MGAT4C: variants seen among roughly 807,000 people sequenced by gnomAD.
The protein encoded by MGAT4C is alpha-1,3-mannosyl-glycoprotein 4-beta-N-acetylglucosaminyltransferase C.
MGAT4C carries 19 observed loss-of-function variants against 40.1 expected under a neutral mutation model. That is an observed-to-expected ratio of 0.47 (90% CI 0.33 to 0.70). The LOEUF is 0.70. MGAT4C is among the 30% of genes least tolerant of loss of function. The pLI, the probability that MGAT4C is intolerant of heterozygous loss-of-function variation, is 0.02. For synonymous variants in MGAT4C, 181 were observed against 187.1 expected, an observed-to-expected ratio of 0.97 and a Z score of 0.27; for missense variants, 491 against 563.2, an observed-to-expected ratio of 0.87 and a Z score of 1.30.
At chr12:86,258,284 AATCTATCTATCTATCTATCTATCT>A (rs10534958), upstream of MGAT4C, among the ~76,000 whole-genome samples, 176 of 146,758 alleles carry the variant, frequency 1.2e-3, 1 homozygote, top group African/African-American at 4.1e-3. Context: ...AACAGGATAT[AATCTATCTATCTATCTATCTATCT>A]ATCTATCTAT....
At chr12:86,564,969 T>C (rs150096409) in intron 2 of MGAT4C, among the ~76,000 whole-genome samples, 1,577 of 152,240 alleles carry the variant, frequency 0.01, 16 homozygotes, top group East Asian at 0.038. Flanking sequence ...CAGGCCCCCA[T>C]AGGTGAATTA....
At chr12:86,422,949 C>G (rs1489108839) in intron 3 of MGAT4C, among the ~76,000 whole-genome samples, 1 of 152,112 alleles carries the variant, frequency 6.6e-6, no homozygotes, top group Non-Finnish European at 1.5e-5. Context: ...GAGCCATCAC[C>G]TATTCATTTT....
intron 2 of MGAT4C, among the ~76,000 whole-genome samples, chr12:86,461,193 G>A (rs1957593576): frequency 6.6e-6 from 1 of 151,228 alleles, no homozygotes; most frequent in Admixed American, 6.6e-5. Flanking sequence ...TCCAATGTAG[G>A]GAAGCCAAAT....
intron 1 of MGAT4C, among the ~76,000 whole-genome samples, chr12:86,251,138 T>G (rs865935404): frequency 1.3e-5 from 2 of 151,546 alleles, no homozygotes; most frequent in African/African-American, 2.4e-5. Flanking sequence ...CCCGTTTTTT[T>G]TTTTTTTTTT....
At chr12:86,249,689 GCTTATGATAAGCAACTTGAC>G (rs1374107439) in intron 1 of MGAT4C, among the ~76,000 whole-genome samples, 1 of 152,046 alleles carries the variant, frequency 6.6e-6, no homozygotes, top group Non-Finnish European at 1.5e-5. Context: ...TCCTGCCTTT[GCTTATGATAAGCAACTTGAC>G]CTTAACTGAA....
chr12:86,468,860 G>A (rs1053527333), intron 2 of MGAT4C, among the ~76,000 whole-genome samples: 7 of 152,012 alleles, frequency 4.6e-5, no homozygotes, highest in Admixed American at 2.6e-4. Flanking sequence ...TATTCCCAAT[G>A]AACACTGTTG....
In MGAT4C at chr12:86,735,519, C is replaced by T. The variant is rs373692016; in HGVS notation, c.-261-8278G>A. 4.6e-4 allele frequency among the ~76,000 whole-genome samples: 70 copies of T among 151,864 alleles called. No individual in the cohort carries two copies. The South Asian group carries it at 0.013, about 29-fold the overall frequency. ...CAAGGAAGCAAGGGAGAATCATAAT[C>T]GTGAAGAATCTGTGATGGATAGATT... On this transcript the variant is annotated intron_variant, in intron 1 of 7. Coordinates refer to the MGAT4C transcript ENST00000548651.
Position 86,521,557 on chromosome 12 carries a change from C to T in MGAT4C, c.-228-86292G>A, listed in dbSNP as rs113724630. Among the ~76,000 whole-genome samples the T allele has an allele frequency of 2.8e-4, 42 of 151,316 alleles. No individual in the cohort carries two copies. The South Asian group carries it at 6.7e-3, about 24-fold the overall frequency. The stretch of plus-strand genomic sequence containing the variant: ...AGGATTGCCTTGGCTATTCAGGCTT[C>T]GTATTTGTTTGTTTGTTTGTCTTTT... On this transcript the variant is annotated intron_variant, in intron 2 of 7. Transcript: ENST00000548651.
chr12:86,201,361 CTTGT>C (rs968526635), intron 1 of MGAT4C, among the ~76,000 whole-genome samples: 16 of 151,606 alleles, frequency 1.1e-4, no homozygotes, highest in African/African-American at 3.9e-4. Flanking sequence ...CATTGTTCTA[CTTGT>C]TTATTATTAT....
intron 1 of MGAT4C, among the ~76,000 whole-genome samples, chr12:86,243,146 C>T (rs964171191): frequency 6.6e-6 from 1 of 152,174 alleles, no homozygotes; most frequent in African/African-American, 2.4e-5. Context: ...GGTACAGTTT[C>T]TTTTTGAGCT....
intron 2 of MGAT4C, among the ~76,000 whole-genome samples, chr12:86,529,572 T>G (rs926873788): frequency 3.9e-5 from 6 of 152,074 alleles, no homozygotes; most frequent in Admixed American, 6.6e-5. Flanking sequence ...CCAAACTTAT[T>G]TTAAATGATA....
intron 2 of MGAT4C, among the ~76,000 whole-genome samples, chr12:86,445,773 G>T (rs963350319): frequency 6.6e-5 from 10 of 152,092 alleles, no homozygotes; most frequent in African/African-American, 2.2e-4. Context: ...GTTGAGAAAA[G>T]ATGTAATAAA....
At chr12:86,055,479 C>G (rs1893292670) in intron 1 of MGAT4C, among the ~76,000 whole-genome samples, 1 of 151,976 alleles carries the variant, frequency 6.6e-6, no homozygotes, top group Non-Finnish European at 1.5e-5. Flanking sequence ...TATCAAAAGT[C>G]TCTAAACCAT....
At chr12:86,197,251 A>G (rs889449790) in intron 1 of MGAT4C, among the ~76,000 whole-genome samples, 1 of 152,244 alleles carries the variant, frequency 6.6e-6, no homozygotes, top group Non-Finnish European at 1.5e-5. Context: ...TATTCTGTTT[A>G]GGATAATATA....
intron 1 of MGAT4C, among the ~76,000 whole-genome samples, chr12:86,212,722 A>AC (rs1950521565): frequency 1.9e-5 from 1 of 53,698 alleles, no homozygotes; most frequent in Non-Finnish European, 4.6e-5. Context: ...CCCCGTCTCT[A>AC]CTAAAAAAAA....
rs74787864 is a variant in MGAT4C at position 86,723,682 on chromosome 12, T to C, written c.-229+3527A>G. Among the ~76,000 whole-genome samples the C allele has an allele frequency of 7.2e-3, 1,101 of 152,154 alleles. 66 individuals carry two copies. In the East Asian group the frequency reaches 0.16, roughly 22 times the overall value. On this transcript the variant is annotated intron_variant, in intron 2 of 7. Coordinates refer to the MGAT4C transcript ENST00000548651. ...CCAAATAAGGTCACATTCTATGGCATTGGGGAACAAATACATGAGTTTGGG... is the reference window on the plus strand; with the variant it reads ...CCAAATAAGGTCACATTCTATGGCACTGGGGAACAAATACATGAGTTTGGG...
rs545213675 is a variant in MGAT4C, at chr12:86,706,219, G to A, written c.-229+20990C>T. 1.2e-4 allele frequency among the ~76,000 whole-genome samples: 19 copies of A among 152,200 alleles called. 1 individual carries two copies. The South Asian group carries it at 3.5e-3, about 28-fold the overall frequency. On this transcript the variant is annotated intron_variant, in intron 2 of 7. Coordinates refer to the MGAT4C transcript ENST00000548651. ...ATGTAAGGAGAAACCTACATTTTTT[G>A]TCTTACTGGATAAATTAAAATATGA... is the stretch of plus-strand genomic sequence containing the variant.
chr12:86,688,987 A>T (rs1950124936), intron 2 of MGAT4C, among the ~76,000 whole-genome samples: 1 of 152,184 alleles, frequency 6.6e-6, no homozygotes, highest in African/African-American at 2.4e-5. Context: ...TACACCAATC[A>T]AACATAGGTT....
intron 1 of MGAT4C, among the ~76,000 whole-genome samples, chr12:86,760,559 G>C (rs1392992948): frequency 6.6e-6 from 1 of 151,996 alleles, no homozygotes; most frequent in Non-Finnish European, 1.5e-5. Context: ...AACAAAAAAT[G>C]TATACACAAT....
Sources: allele counts gnomAD v4.1 joint callset (sites outside exome capture counted in the v4.1 genomes callset), GRCh38; gene constraint gnomAD v4.1.1; transcripts MANE v1.5; gene names NCBI Gene and HGNC (gene_info 2026-07-23, HGNC 2026-07-21).